PRKCQ: variants seen among roughly 807,000 people sequenced by gnomAD.
PRKCQ encodes the protein protein kinase C theta type.
In PRKCQ, 41 loss-of-function variants were observed where a neutral mutation model predicts 91.2. That is an observed-to-expected ratio of 0.45 (90% CI 0.35 to 0.58). PRKCQ has a LOEUF of 0.58. Ranked by LOEUF, PRKCQ falls within the 20% of genes least tolerant of loss-of-function variation. The pLI is 0.00. For missense variants in PRKCQ, 673 were observed against 896.5 expected (o/e 0.75, Z 3.18); for synonymous variants, 307 against 316.9 (o/e 0.97, Z 0.33).
intron 15 of PRKCQ, among the ~76,000 whole-genome samples, chr10:6,449,708 AAGCCC>A (rs1333604136): frequency 6.6e-6 from 1 of 152,200 alleles, no homozygotes; most frequent in Non-Finnish European, 1.5e-5. Flanking sequence ...CCACAAAGGG[AAGCCC>A]GTCAGACTAA....
intron 12 of PRKCQ, among the ~76,000 whole-genome samples, chr10:6,473,635 G>T (rs2130746541): frequency 6.6e-6 from 1 of 152,332 alleles, no homozygotes; most frequent in Non-Finnish European, 1.5e-5. Flanking sequence ...TCTTTGGAAG[G>T]ATGTGGTTTC....
chr10:6,437,846 G>A (rs745871128), intron 16 of PRKCQ, among the ~76,000 whole-genome samples: 1 of 151,854 alleles, frequency 6.6e-6, no homozygotes, highest in East Asian at 1.9e-4. Context: ...GTAGAGATGG[G>A]GTTTCACCGT....
At chr10:6,470,372 G>C (rs750108299) in intron 12 of PRKCQ, among the ~76,000 whole-genome samples, 1 of 152,054 alleles carries the variant, frequency 6.6e-6, no homozygotes, top group African/African-American at 2.4e-5. Flanking sequence ...TGATTCTGAC[G>C]CTCATATATT....
At chr10:6,555,004 G>A (rs61841308) in intron 1 of PRKCQ, among the ~76,000 whole-genome samples, 399 of 152,298 alleles carry the variant, frequency 2.6e-3, no homozygotes, top group Non-Finnish European at 4.6e-3. Context: ...TAGAGGCTAT[G>A]ATCCTAAGTG....
At chr10:6,419,331 T>C in the PRKCQ span, among the ~76,000 whole-genome samples, 1 of 146,524 alleles carries the variant, frequency 6.8e-6, no homozygotes, top group South Asian at 2.1e-4. Flanking sequence ...AAAAATCCTT[T>C]AGTTGTTTCT....
chr10:6,501,539 C>T (rs1251376481), intron 4 of PRKCQ, among the ~76,000 whole-genome samples: 3 of 151,802 alleles, frequency 2.0e-5, no homozygotes, highest in South Asian at 2.1e-4. Flanking sequence ...GACAGGGTCT[C>T]GGCTGGGCGT....
At chr10:6,471,698 C>T (rs972926656) in intron 12 of PRKCQ, among the ~76,000 whole-genome samples, 6 of 151,968 alleles carry the variant, frequency 3.9e-5, no homozygotes, top group Non-Finnish European at 7.4e-5. Context: ...TGCAGTGAGC[C>T]GAGATCGTTC....
intron 12 of PRKCQ, among the ~76,000 whole-genome samples, chr10:6,467,419 G>C (rs1044010491): frequency 4.5e-5 from 6 of 132,972 alleles, no homozygotes; most frequent in Non-Finnish European, 8.2e-5. Flanking sequence ...GAGAGAGAGA[G>C]AGAGAGAGAG....
At chr10:6,398,896 G>A in the PRKCQ span, among the ~76,000 whole-genome samples, 3 of 151,996 alleles carry the variant, frequency 2.0e-5, no homozygotes, top group African/African-American at 7.3e-5. Context: ...TAGGACCACA[G>A]GTGCAAGCCA....
intron 2 of PRKCQ, among the ~76,000 whole-genome samples, chr10:6,514,371 C>T (rs957119295): frequency 1.3e-5 from 2 of 152,138 alleles, no homozygotes; most frequent in African/African-American, 4.8e-5. Context: ...AGAGACATTC[C>T]CTACACATAA....
At chr10:6,488,264 T>C (rs1219579537) in intron 8 of PRKCQ, among the ~76,000 whole-genome samples, 3 of 152,254 alleles carry the variant, frequency 2.0e-5, no homozygotes, top group Non-Finnish European at 4.4e-5. Context: ...ATTGCATAGA[T>C]GTAGATATTA....
chr10:6,533,821 G>C lies in PRKCQ; in HGVS notation c.-9-18677C>G, dbSNP rs74114315. On this transcript the variant is annotated intron_variant, in intron 1 of 17. Transcript: ENST00000263125. ...TTAATGAATGAGACTGTGTCTACCA[G>C]CTAAAACCTACATTAAAGCTAATAT... 8.7e-3 allele frequency among the ~76,000 whole-genome samples: 1,324 copies of C among 152,226 alleles called. 20 individuals are homozygous for C. Among genetic ancestry groups the C allele is most frequent in the African/African-American group, 0.03 (1,251 of 41,522 alleles).
At chr10:6,543,464 G>A (rs1179598494) in intron 1 of PRKCQ, among the ~76,000 whole-genome samples, 21 of 152,174 alleles carry the variant, frequency 1.4e-4, no homozygotes, top group Admixed American at 1.4e-3. Context: ...AGTCAGAAAT[G>A]TGTCTGTCAT....
chr10:6,482,784 G>A (rs918419911), intron 11 of PRKCQ, among the ~76,000 whole-genome samples: 1 of 152,160 alleles, frequency 6.6e-6, no homozygotes, highest in African/African-American at 2.4e-5. Context: ...GCAAAGGGAC[G>A]TCTTACGTGG....
At chr10:6,410,120 A>T in the PRKCQ span, among the ~76,000 whole-genome samples, 319 of 152,332 alleles carry the variant, frequency 2.1e-3, 1 homozygote, top group African/African-American at 7.4e-3. Flanking sequence ...TGCATTCAAT[A>T]GCCATTACTT....
At chr10:6,473,619 G>C (rs1053689750) in intron 12 of PRKCQ, among the ~76,000 whole-genome samples, 2 of 152,218 alleles carry the variant, frequency 1.3e-5, no homozygotes, top group African/African-American at 2.4e-5. Context: ...TTAGTGCAGG[G>C]ACACGTCTTT....
the PRKCQ span, among the ~76,000 whole-genome samples, chr10:6,416,412 G>T: frequency 1.3e-5 from 2 of 151,960 alleles, no homozygotes; most frequent in African/African-American, 4.8e-5. Flanking sequence ...TCATTCTTAT[G>T]CCTTTGCATC....
At chr10:6,532,539 C>G (rs1372212266) in intron 1 of PRKCQ, among the ~76,000 whole-genome samples, 1 of 151,766 alleles carries the variant, frequency 6.6e-6, no homozygotes, top group Admixed American at 6.6e-5. Context: ...CCAATCTTGA[C>G]ATGTGCTTCA....
At chr10:6,448,033 G>A (rs988637858) in intron 15 of PRKCQ, among the ~76,000 whole-genome samples, 2 of 152,216 alleles carry the variant, frequency 1.3e-5, no homozygotes, top group African/African-American at 4.8e-5. Context: ...CCGACCAGGG[G>A]TGGGATTTTT....
Sources: allele counts gnomAD v4.1 joint callset (sites outside exome capture counted in the v4.1 genomes callset), GRCh38; gene constraint gnomAD v4.1.1; transcripts MANE v1.5; gene names NCBI Gene and HGNC (gene_info 2026-07-23, HGNC 2026-07-21).